Variants in DCC observed in about 807,000 individuals in gnomAD.
The protein encoded by DCC is DCC netrin 1 receptor.
A neutral mutation model predicts 172.5 loss-of-function variants in DCC; 58 were observed. That is an observed-to-expected ratio of 0.34 (90% confidence interval 0.27 to 0.42). The LOEUF is 0.42. DCC is among the 10% of genes least tolerant of loss of function. DCC has a pLI of 1.00. For synonymous variants in DCC, 709 were observed against 644.5 expected (o/e 1.10, Z -1.52); for missense variants, 1,740 against 1,791.0 (o/e 0.97, Z 0.51).
At chr18:52,658,138 C>T (rs1404341665) in intron 1 of DCC, among the ~76,000 whole-genome samples, 3 of 152,138 alleles carry the variant, frequency 2.0e-5, no homozygotes, top group Non-Finnish European at 4.4e-5. Context: ...TTATCTATCA[C>T]AAATGAAGGG....
At chr18:53,385,975 G>A (rs555128589) in intron 15 of DCC, 68 bp from the exon 16 acceptor site, 2 of 1,051,288 alleles carry the variant, frequency 1.9e-6, no homozygotes, top group Non-Finnish European at 1.5e-6. Context: ...TGAGGAAAAT[G>A]TTTGCCTTGA....
rs71175533 is a variant in DCC, at chr18:52,879,412, C to CTTTTTTTTTTTTTTTTTTTTTTTT, written c.413-26626_413-26603dup. Among the ~76,000 whole-genome samples, 108 of 62,316 alleles carry CTTTTTTTTTTTTTTTTTTTTTTTT rather than the reference C, an allele frequency of 1.7e-3. 27 individuals carry two copies. The highest frequency in any genetic ancestry group is 5.9e-3 in the East Asian group (10 of 1,698). 40.9% of individuals were successfully genotyped at this position (62,316 alleles called of 152,430 possible). A position where few individuals can be genotyped will look rare whatever the true frequency, so the allele number is the denominator to read the frequency against. On this transcript the variant is annotated intron_variant, in intron 2 of 28. Coordinates refer to ENST00000442544, the MANE Select transcript of DCC (RefSeq NM_005215.4). ...AATTTCTAGCCCATATGTTGTTTGG[C>CTTTTTTTTTTTTTTTTTTTTTTTT]TTTTTTTTTTTTTTTTTTTTTTTTT...
intron 2 of DCC, among the ~76,000 whole-genome samples, chr18:52,824,694 G>A (rs2038475696): frequency 6.6e-6 from 1 of 152,120 alleles, no homozygotes; most frequent in Non-Finnish European, 1.5e-5. Context: ...GACATGGCCA[G>A]GCATTGTGGT....
chr18:52,462,043 C>T (rs1040351501), intron 1 of DCC, among the ~76,000 whole-genome samples: 1 of 152,156 alleles, frequency 6.6e-6, no homozygotes, highest in African/African-American at 2.4e-5. Flanking sequence ...TTTTTTCACA[C>T]CCCATATCTA....
intron 15 of DCC, among the ~76,000 whole-genome samples, chr18:53,348,019 CA>C (rs1386650924): frequency 6.6e-6 from 1 of 152,074 alleles, no homozygotes; most frequent in Non-Finnish European, 1.5e-5. Flanking sequence ...TGGCCCCTCC[CA>C]AATCATATGT....
intron 1 of DCC, among the ~76,000 whole-genome samples, chr18:52,742,408 C>T (rs903134437): frequency 1.3e-5 from 2 of 152,040 alleles, no homozygotes; most frequent in African/African-American, 4.8e-5. Context: ...TTCCTTCCTA[C>T]TAGAATATAA....
chr18:53,000,941 T>G (rs1220269647), intron 5 of DCC, among the ~76,000 whole-genome samples: 12 of 149,226 alleles, frequency 8.0e-5, no homozygotes, highest in South Asian at 4.2e-4. Context: ...ATTCTGAGGG[T>G]TTTTTTCCCA....
chr18:53,351,359 T>C (rs1304344497), intron 15 of DCC, among the ~76,000 whole-genome samples: 1 of 87,042 alleles, frequency 1.1e-5, no homozygotes, highest in Non-Finnish European at 2.4e-5. Flanking sequence ...ACACAGTATA[T>C]ATATATACTG....
At chr18:53,190,818 C>A (rs925954583) in intron 9 of DCC, among the ~76,000 whole-genome samples, 2 of 152,024 alleles carry the variant, frequency 1.3e-5, no homozygotes, top group East Asian at 3.9e-4. Context: ...TGGTGGCGGG[C>A]GCCTGTAGTC....
chr18:53,339,985 T>C, intron 15 of DCC, 78 bp downstream of exon 15: 1 of 1,332,762 alleles, frequency 7.5e-7, no homozygotes, highest in Non-Finnish European at 1.0e-6. Flanking sequence ...CTTGGAAAAC[T>C]GTTCCCTGGT....
rs369362532 is a variant in DCC, at chr18:52,625,802, A to T, written c.92-126252A>T. On this transcript the variant is annotated intron_variant, in intron 1 of 28. Transcript: ENST00000442544. ...TCACTTCATCGCCAATGACTTCTGC[A>T]TGCTAAATGCCAATGTCAGTTCTCA... 9.7e-4 allele frequency among the ~76,000 whole-genome samples: 148 copies of T among 152,322 alleles called. 1 individual carries two copies. The highest frequency in any genetic ancestry group is 3.3e-3 in the African/African-American group (137 of 41,582).
At chr18:53,249,108 G>A (rs1989300886) in intron 12 of DCC, among the ~76,000 whole-genome samples, 1 of 151,916 alleles carries the variant, frequency 6.6e-6, no homozygotes, top group South Asian at 2.1e-4. Flanking sequence ...ACTTGCTTTA[G>A]GACAGCTGGA....
At chr18:53,487,482 T>C (rs997408556) in intron 26 of DCC, among the ~76,000 whole-genome samples, 1 of 151,326 alleles carries the variant, frequency 6.6e-6, no homozygotes, top group Admixed American at 6.6e-5. Flanking sequence ...AAAGAGACTC[T>C]CAAGCTATTA....
At chr18:52,927,148 T>TATATAC (rs1568192205) in intron 5 of DCC, among the ~76,000 whole-genome samples, 4 of 40,696 alleles carry the variant, frequency 9.8e-5, no homozygotes, top group African/African-American at 3.4e-4. Flanking sequence ...TGTATATATG[T>TATATAC]GTATATATAC....
chr18:52,352,644 G>A (rs1251297064), intron 1 of DCC, among the ~76,000 whole-genome samples: 2 of 152,060 alleles, frequency 1.3e-5, no homozygotes, highest in African/African-American at 4.8e-5. Flanking sequence ...GCAGTACTGG[G>A]TATAATTGGT....
In DCC at chr18:53,207,700, T is replaced by C. The variant is rs978897197; in HGVS notation, c.1744T>C (p.Ser582Pro). Residue 582 changes from serine to proline, a missense_variant, in exon 11 of 29, where the codon TCT becomes CCT. Around this residue, in one of 2 missense-constraint regions of DCC, gnomAD observed 1,732 missense variants for 1,767.4 expected, o/e 0.98. Coordinates refer to ENST00000442544, the MANE Select transcript of DCC (RefSeq NM_005215.4). ...KEQNIEVDGL[S>P]YKLEGLKKFT... ...CCAGAATATAGAGGTTGATGGACTA[T>C]CTTATAAACTGGAAGGCCTGAAAAA... 2 of 1,613,602 alleles carry C rather than the reference T, an allele frequency of 1.2e-6. No homozygotes were observed. The highest frequency in any genetic ancestry group is 1.7e-6 in the Non-Finnish European group (2 of 1,179,702).
chr18:52,995,877 C>G (rs551037928), intron 5 of DCC, among the ~76,000 whole-genome samples: 137 of 151,902 alleles, frequency 9.0e-4, no homozygotes, highest in African/African-American at 3.0e-3. Context: ...CCCTAGCACT[C>G]CCCAGCTTTT....
chr18:53,290,285 G>A (rs1206799931), intron 12 of DCC, among the ~76,000 whole-genome samples: 1 of 152,160 alleles, frequency 6.6e-6, no homozygotes, highest in African/African-American at 2.4e-5. Flanking sequence ...CAAAACACTT[G>A]TGGTTCTGAA....
intron 1 of DCC, among the ~76,000 whole-genome samples, chr18:52,594,656 G>A (rs1456153174): frequency 9.2e-5 from 14 of 152,192 alleles, no homozygotes; most frequent in Admixed American, 9.2e-4. Flanking sequence ...GGCTGTACAG[G>A]AAGTATGGTG....
Sources: allele counts gnomAD v4.1 joint callset (sites outside exome capture counted in the v4.1 genomes callset), GRCh38; gene constraint gnomAD v4.1.1; regional missense constraint gnomAD v4.1.1; transcripts MANE v1.5; gene names NCBI Gene and HGNC (gene_info 2026-07-23, HGNC 2026-07-21).